The following DDX60L variants were observed in gnomAD, a reference collection of about 807,000 sequenced individuals.
DDX60L encodes the protein DExD/H-box 60 like, also known as probable ATP-dependent RNA helicase DDX60-like.
In DDX60L, 191 loss-of-function variants were observed where a neutral mutation model predicts 211.6. The observed-to-expected ratio is 0.90, with a 90% CI of 0.80 to 1.02. DDX60L has a LOEUF of 1.02. Among genes scored for constraint, DDX60L ranks in the 50% least tolerant of loss-of-function variants. The pLI is 0.00. For missense variants in DDX60L, 2,007 were observed against 1,984.1 expected (o/e 1.01, Z -0.22); for synonymous variants, 706 against 694.1 (o/e 1.02, Z -0.27).
At chr4:168,473,345 T>A (rs1417372901) in intron 1 of DDX60L, among the ~76,000 whole-genome samples, 2 of 152,176 alleles carry the variant, frequency 1.3e-5, no homozygotes, top group Non-Finnish European at 2.9e-5. Flanking sequence ...CTATCTTTAG[T>A]AGAGAGAGCA....
chr4:168,420,053 C>T (rs1024972169), intron 18 of DDX60L, among the ~76,000 whole-genome samples: 1 of 152,140 alleles, frequency 6.6e-6, no homozygotes, highest in Admixed American at 6.5e-5. Flanking sequence ...TTTCAGTTCA[C>T]AATGTGAATA....
chr4:168,448,865 A>C, intron 8 of DDX60L, 86 bp from the exon 9 acceptor site: 1 of 1,245,924 alleles, frequency 8.0e-7, no homozygotes, highest in South Asian at 1.5e-5. Flanking sequence ...GTAGGTCACA[A>C]GGGACATTTC....
intron 30 of DDX60L, 48 bp from the exon 31 acceptor site, chr4:168,379,878 T>C (rs745825680): frequency 4.6e-6 from 6 of 1,292,780 alleles, no homozygotes; most frequent in Non-Finnish European, 6.6e-6. Context: ...ACAGTATTTG[T>C]AAATACTGAT....
At chr4:168,467,839 G>A (rs1278560996) in intron 4 of DDX60L, among the ~76,000 whole-genome samples, 1 of 152,166 alleles carries the variant, frequency 6.6e-6, no homozygotes, top group Non-Finnish European at 1.5e-5. Flanking sequence ...AGGTCGGCAT[G>A]ATCCTGATAC....
intron 30 of DDX60L, among the ~76,000 whole-genome samples, chr4:168,383,778 C>T (rs962078881): frequency 6.6e-6 from 1 of 152,166 alleles, no homozygotes; most frequent in African/African-American, 2.4e-5. Context: ...TGGTTCACAC[C>T]TGTAATCTCA....
At chr4:168,427,832 A>G (rs1579575955) in intron 13 of DDX60L, among the ~76,000 whole-genome samples, 2 of 152,232 alleles carry the variant, frequency 1.3e-5, no homozygotes, top group East Asian at 3.9e-4. Context: ...ACACACACTT[A>G]GTGGGGTGGT....
intron 10 of DDX60L, among the ~76,000 whole-genome samples, chr4:168,435,876 A>G (rs891156532): frequency 1.3e-4 from 20 of 152,188 alleles, no homozygotes; most frequent in Admixed American, 1.2e-3. Context: ...CAAAGATGGG[A>G]AATCAATTCA....
intron 4 of DDX60L, chr4:168,469,149 C>T (rs755578880): frequency 5.3e-5 from 8 of 152,146 alleles, no homozygotes; most frequent in Admixed American, 5.2e-4. Context: ...ACAAAGTGGG[C>T]TTCAAGATTT....
intron 37 of DDX60L, among the ~76,000 whole-genome samples, chr4:168,359,767 A>G (rs917225871): frequency 6.6e-6 from 1 of 152,296 alleles, no homozygotes; most frequent in East Asian, 1.9e-4. Context: ...CTTCGCATAT[A>G]CAACCAAATT....
chr4:168,400,581 C>G (rs1023357686), intron 26 of DDX60L, among the ~76,000 whole-genome samples: 4 of 152,202 alleles, frequency 2.6e-5, no homozygotes, highest in Middle Eastern at 3.4e-3. Flanking sequence ...TCCTAGGAGG[C>G]CCAGTTGACC....
At position 168,456,049 on chromosome 4, in the gene DDX60L, T is replaced by C. The variant is rs1450543550; in HGVS notation, c.827A>G (p.His276Arg). The change falls in exon 7 of 38, where the codon CAT becomes CGT. Residue 276 changes from histidine to arginine, a missense_variant. Physicochemically the swap from His to Arg is conservative, Grantham distance 29. Transcript: ENST00000682922. ...TSCSLSLRMY[H>R]RVLVHSNCLS... ...GTTCTTTTTACTTACTAAGACACGA[T>C]GGTACATTCTCAAGGATAGTGAACA... The C allele has an allele frequency of 4.4e-6, 7 of 1,585,640 alleles. No homozygotes were observed. In the East Asian group the frequency reaches 1.2e-4, roughly 26 times the overall value.
chr4:168,404,163 G>A, intron 24 of DDX60L, 57 bp from the exon 25 acceptor site: 2 of 1,138,576 alleles, frequency 1.8e-6, no homozygotes, highest in Non-Finnish European at 2.3e-6. Flanking sequence ...GGAAACAGAA[G>A]AAAGAAAGGA....
intron 4 of DDX60L, among the ~76,000 whole-genome samples, chr4:168,463,522 T>C (rs1317698297): frequency 6.6e-6 from 1 of 151,964 alleles, no homozygotes. Flanking sequence ...GAAGAAATAA[T>C]CTGTACAACA....
At chr4:168,435,405 G>T (rs1175675314) in intron 10 of DDX60L, among the ~76,000 whole-genome samples, 3 of 152,162 alleles carry the variant, frequency 2.0e-5, no homozygotes, top group African/African-American at 7.2e-5. Context: ...AAAAATACAG[G>T]AGTGCTGATT....
intron 36 of DDX60L, among the ~76,000 whole-genome samples, chr4:168,369,977 A>T (rs1436662416): frequency 6.6e-6 from 1 of 152,214 alleles, no homozygotes; most frequent in Admixed American, 6.5e-5. Context: ...GGGTAGGATT[A>T]TAAATGAGTA....
chr4:168,458,308 T>C (rs574880701), intron 5 of DDX60L, among the ~76,000 whole-genome samples: 11 of 152,262 alleles, frequency 7.2e-5, no homozygotes, highest in African/African-American at 2.4e-4. Context: ...ACTGGGTATA[T>C]ACCCAAAGGA....
At chr4:168,430,298 CTTTT>C (rs1287626659) in intron 13 of DDX60L, among the ~76,000 whole-genome samples, 176 bp downstream of exon 13, 1 of 152,170 alleles carries the variant, frequency 6.6e-6, no homozygotes, top group Non-Finnish European at 1.5e-5. Context: ...CCAATTAAAC[CTTTT>C]TTCTTTATAA....
In DDX60L at chr4:168,456,039, T is replaced by C. The variant is rs1319836488; in HGVS notation, c.837A>G (p.Leu279=). The C allele has an allele frequency of 3.2e-6, 5 of 1,576,062 alleles. No homozygotes were observed. The highest frequency in any genetic ancestry group is 1.7e-4 in the Middle Eastern group (1 of 6,030). The change falls in exon 7 of 38, where the codon TTA becomes TTG. Residue 279 remains leucine (L), a splice_region_variant and synonymous_variant. Transcript: ENST00000682922. ...TGGCGGCTGTGTTCTTTTTACTTAC[T>C]AAGACACGATGGTACATTCTCAAGG... ...SLSLRMYHRV[L]VHSNCLSLQE... is the part of the protein sequence containing the mutation.
At chr4:168,373,591 T>C in intron 35 of DDX60L, 75 bp downstream of exon 35, 1 of 1,472,364 alleles carries the variant, frequency 6.8e-7, no homozygotes, top group South Asian at 1.3e-5. Flanking sequence ...TGAGGTCCTA[T>C]CAAGGCTTCA....
Sources: gnomAD v4.1 joint callset for allele counts (sites outside exome capture counted in the v4.1 genomes callset) on GRCh38, gnomAD v4.1.1 for gene constraint, MANE v1.5 for transcripts, NCBI Gene and HGNC (gene_info 2026-07-23, HGNC 2026-07-21) for gene names.